PAPLN: variants seen among roughly 807,000 people sequenced by gnomAD.
PAPLN encodes papilin, proteoglycan like sulfated glycoprotein.
A neutral mutation model predicts 159.0 loss-of-function variants in PAPLN; 146 were observed. The observed-to-expected ratio is 0.92, with a 90% CI of 0.80 to 1.05. The LOEUF (loss-of-function observed/expected upper bound fraction) is 1.05, where lower values mean the gene tolerates loss of function less well. PAPLN is among the 50% of genes least tolerant of loss of function. The pLI is 0.00. For missense variants in PAPLN, 1,720 were observed against 1,743.9 expected, an observed-to-expected ratio of 0.99 and a Z score of 0.24; for synonymous variants, 734 against 702.9, an observed-to-expected ratio of 1.04 and a Z score of -0.70.
At chr14:73,248,858 C>T (rs1884907982) in intron 5 of PAPLN, among the ~76,000 whole-genome samples, 2 of 151,964 alleles carry the variant, frequency 1.3e-5, no homozygotes, top group Admixed American at 1.3e-4. Flanking sequence ...AGGCCAGGTA[C>T]AGTGGCTCCT....
rs1886545532 is a variant in PAPLN, at chr14:73,261,244, C to A, written c.2195C>A (p.Ala732Asp). ...TTTGGCTGTTGCTATGACAACGTGG[C>A]CACTGCAGCCGGTCCTCTTGGGGAA... Reference protein sequence around the residue: ...SQFGCCYDNVATAAGPLGEGC... With the variant: ...SQFGCCYDNVDTAAGPLGEGC... The change falls in exon 18 of 27, where the codon GCC becomes GAC. Residue 732 changes from alanine (A) to aspartate (D), a missense_variant. Ala to Asp is a moderately radical substitution (Grantham distance 126). Transcript: ENST00000644200. 1 of 1,613,712 alleles carries A rather than the reference C, an allele frequency of 6.2e-7. No homozygotes were observed. Among genetic ancestry groups the A allele is most frequent in the South Asian group, 1.1e-5 (1 of 91,080 alleles).
intron 2 of PAPLN, among the ~76,000 whole-genome samples, chr14:73,240,349 T>C (rs1321287945): frequency 1.3e-5 from 2 of 152,296 alleles, no homozygotes; most frequent in East Asian, 3.9e-4. Context: ...ATCCAATAGG[T>C]AGCCCCTAGG....
intron 5 of PAPLN, among the ~76,000 whole-genome samples, chr14:73,247,804 G>C (rs1884660088): frequency 2.3e-5 from 2 of 85,944 alleles, no homozygotes; most frequent in South Asian, 6.4e-4. Flanking sequence ...TCCCGTGTGT[G>C]TGTGTGTGTG....
Position 73,254,565 on chromosome 14 carries a change from G to T in PAPLN, c.1355G>T (p.Gly452Val), listed in dbSNP as rs770393234. The T allele has an allele frequency of 4.3e-6, 7 of 1,613,956 alleles. No individual in the cohort carries two copies. Among genetic ancestry groups the T allele is most frequent in the African/African-American group, 1.3e-5 (1 of 74,924 alleles). ...GVRKRSVTCRGERGSLLHTAA... is the reference protein window; with the variant it reads ...GVRKRSVTCRVERGSLLHTAA... ...CGGAAGCGGAGCGTTACTTGCCGGG[G>T]TGAAAGGGGTTCTTTGCTCCATACC... Residue 452 changes from glycine (G) to valine (V), a missense_variant, in exon 13 of 27, where the codon GGT becomes GTT. By Grantham distance (109) the Gly-to-Val change is moderately radical (BLOSUM62 -3). Transcript: ENST00000644200.
At chr14:73,250,809 C>T in intron 6 of PAPLN, 98 bp from the exon 7 acceptor site, 1 of 1,414,936 alleles carries the variant, frequency 7.1e-7, no homozygotes, top group Non-Finnish European at 9.3e-7. Flanking sequence ...CCCTATCCTG[C>T]CTGGGCTGCG....
In PAPLN at chr14:73,263,653, T is replaced by A. The variant is rs1319057435; in HGVS notation, c.2732T>A (p.Leu911Ter). The A allele has an allele frequency of 6.2e-7, 1 of 1,613,654 alleles. No homozygotes were observed. Among genetic ancestry groups the A allele is most frequent in the Non-Finnish European group, 8.5e-7 (1 of 1,179,988 alleles). ...ACTTCCCACCTCTCCAGGATTAGCTTGGCAGGTGTGGAGCCCTCGTTGGTG... is the reference window on the plus strand; with the variant it reads ...ACTTCCCACCTCTCCAGGATTAGCTAGGCAGGTGTGGAGCCCTCGTTGGTG... ...PFHSSSYRIS[L>*]AGVEPSLVQA... Residue 911 changes from leucine to a stop codon, truncating the protein, a stop_gained, in exon 20 of 27, where the codon TTG becomes TAG. Coordinates refer to ENST00000644200, the MANE Select transcript of PAPLN (RefSeq NM_001365906.3). LOFTEE classifies it high-confidence loss of function.
intron 2 of PAPLN, among the ~76,000 whole-genome samples, chr14:73,241,185 C>T (rs925234165): frequency 6.6e-5 from 10 of 152,088 alleles, no homozygotes; most frequent in African/African-American, 1.9e-4. Context: ...ACAGCTGGAG[C>T]GGTGGGTGGG....
Position 73,245,893 on chromosome 14 carries a change from TAGAGCACCATGGA to T in PAPLN, c.232-179_232-167del. 1 of 880,082 alleles carries T rather than the reference TAGAGCACCATGGA, an allele frequency of 1.1e-6. No homozygotes were observed. The highest frequency in any genetic ancestry group is 3.5e-4 in the Middle Eastern group (1 of 2,872). 54.5% of individuals were successfully genotyped at this position (880,082 alleles called of 1,614,324 possible). A position where few individuals can be genotyped will look rare whatever the true frequency, so the allele number is the denominator to read the frequency against. On this transcript the variant is annotated intron_variant, in intron 4 of 26. Coordinates refer to ENST00000644200, the MANE Select transcript of PAPLN (RefSeq NM_001365906.3). This position sits in a 1 kb window ranked among gnomAD's most constrained non-coding sequence, Gnocchi z 4.2. ...GGGACTGGCCTTGCCCTCCACAGCCTAGAGCACCATGGAGGGGCACGCACAGGAGTTCGGGGGT... is the reference window on the plus strand; with the variant it reads ...GGGACTGGCCTTGCCCTCCACAGCCTGGGGCACGCACAGGAGTTCGGGGGT...
chr14:73,262,918 C>T, intron 19 of PAPLN, 91 bp downstream of exon 19: 1 of 1,139,390 alleles, frequency 8.8e-7, no homozygotes, highest in Non-Finnish European at 1.2e-6. Flanking sequence ...AGCCGGCCCT[C>T]CCTCCCCATC....
rs750388672 is a variant in PAPLN at position 73,246,113 on chromosome 14, G to A, written c.272G>A (p.Cys91Tyr). Residue 91 changes from cysteine (C) to tyrosine (Y), a missense_variant, in exon 5 of 27, where the codon TGC (cysteine) becomes TAC (tyrosine). Coordinates refer to ENST00000644200, the MANE Select transcript of PAPLN (RefSeq NM_001365906.3). ...GCCCGGGACTTCCGGGCCGAGCAGT[G>A]CGCGGAGTTCGACGGAGCGGAGTTC... is the stretch of plus-strand genomic sequence containing the variant. ...DGARDFRAEQCAEFDGAEFQG... is the reference protein window; with the variant it reads ...DGARDFRAEQYAEFDGAEFQG... 2 of 1,590,148 alleles carry A rather than the reference G, an allele frequency of 1.3e-6. No homozygotes were observed. The highest frequency in any genetic ancestry group is 1.7e-6 in the Non-Finnish European group (2 of 1,170,540).
intron 26 of PAPLN, among the ~76,000 whole-genome samples, chr14:73,271,747 G>A (rs544156808): frequency 7.4e-4 from 112 of 152,274 alleles, no homozygotes; most frequent in African/African-American, 2.6e-3. Flanking sequence ...TGATCCGCCC[G>A]CCTTGGCCTC....
intron 16 of PAPLN, 69 bp from the exon 17 acceptor site, chr14:73,260,640 C>A (rs1437376100): frequency 7.3e-7 from 1 of 1,364,708 alleles, no homozygotes; most frequent in Non-Finnish European, 9.5e-7. Flanking sequence ...AGCCTCAGAG[C>A]CTGGGTCCTG....
intron 10 of PAPLN, 41 bp downstream of exon 10, chr14:73,252,182 GT>G: frequency 1.3e-6 from 2 of 1,535,492 alleles, no homozygotes; most frequent in Non-Finnish European, 8.8e-7. Context: ...TGGGCCCTGT[GT>G]GCTGGATCCC....
rs1461626395 is a variant in PAPLN at position 73,265,116 on chromosome 14, G to A, written c.3126-254G>A. On this transcript the variant is annotated intron_variant, in intron 22 of 26. Coordinates refer to ENST00000644200, the MANE Select transcript of PAPLN (RefSeq NM_001365906.3). This position sits in a 1 kb window ranked among gnomAD's most constrained non-coding sequence, Gnocchi z 4.1. The stretch of plus-strand genomic sequence containing the variant: ...ATGTGCAGGGTGGGGGGTGACAGAT[G>A]GGGATCCTGGCTGGTGGGTGTGTCT... Among the ~76,000 whole-genome samples the A allele has an allele frequency of 6.6e-6, 1 of 152,228 alleles. No homozygotes were observed. Among genetic ancestry groups the A allele is most frequent in the Non-Finnish European group, 1.5e-5 (1 of 68,034 alleles).
Position 73,252,680 on chromosome 14 carries a change from C to A in PAPLN, c.999C>A (p.Ile333=), listed in dbSNP as rs758623968. Residue 333 remains isoleucine, a synonymous_variant, in exon 11 of 27, where the codon ATC becomes ATA. Transcript: ENST00000644200. The stretch of plus-strand genomic sequence containing the variant: ...AGTCCCGCCTGGTGTTCTGCACCAT[C>A]GACCATGAGGCCTACCCCGACCACA... ...GHQSRLVFCT[I]DHEAYPDHMC... 6.2e-7 allele frequency: 1 copy of A among 1,613,362 alleles called. No homozygotes were observed. Among genetic ancestry groups the A allele is most frequent in the South Asian group, 1.1e-5 (1 of 91,084 alleles).
rs1436993002 is a variant in PAPLN at position 73,264,280 on chromosome 14, C to T, written c.2931C>T (p.Ser977=). The change falls in exon 21 of 27, where the codon AGC becomes AGT. Residue 977 remains serine, a synonymous_variant. Transcript: ENST00000644200. ...AGGCAGAGGACGCGGGCACCTACAG[C>T]TGTGGCAGCACCCGGCCAGGCCGCG... is the stretch of plus-strand genomic sequence containing the variant. ...PLQAEDAGTY[S]CGSTRPGRDS... 1.2e-6 allele frequency: 2 copies of T among 1,613,922 alleles called. No homozygotes were observed. The highest frequency in any genetic ancestry group is 2.7e-5 in the African/African-American group (2 of 74,914).
chr14:73,236,645 T>C (rs12893242), upstream of PAPLN, among the ~76,000 whole-genome samples: 21,617 of 151,992 alleles, frequency 0.14, 1,694 homozygotes, highest in South Asian at 0.21. Flanking sequence ...GGTGAAAACC[T>C]GTCTCTACTA....
rs913603559 is a variant in PAPLN, at chr14:73,262,803, C to T, written c.2699C>T (p.Pro900Leu). 6.7e-7 allele frequency: 1 copy of T among 1,493,620 alleles called. No individual in the cohort carries two copies. 92.5% of individuals were successfully genotyped at this position (1,493,620 alleles called of 1,614,324 possible). The stretch of plus-strand genomic sequence containing the variant: ...GGTGGAGATGCCGGATCACCAGCGC[C>T]ACCCTTCCACAGCTCCTCCTACAGG... ...GLGGDAGSPA[P>L]PFHSSSYRIS... Residue 900 changes from proline to leucine, a missense_variant, in exon 19 of 27, where the codon CCA (proline) becomes CTA (leucine). Coordinates refer to ENST00000644200, the MANE Select transcript of PAPLN (RefSeq NM_001365906.3).
At chr14:73,241,013 C>CGGG (rs541640505) in intron 2 of PAPLN, among the ~76,000 whole-genome samples, 6 of 146,252 alleles carry the variant, frequency 4.1e-5, no homozygotes, top group African/African-American at 1.2e-4. Flanking sequence ...ATGGGGAGGT[C>CGGG]GGGGGGGGGA....
Sources: allele counts gnomAD v4.1 joint callset (sites outside exome capture counted in the v4.1 genomes callset), GRCh38; gene constraint gnomAD v4.1.1; non-coding constraint Gnocchi (gnomAD v3.1); transcripts MANE v1.5; gene names NCBI Gene and HGNC (gene_info 2026-07-23, HGNC 2026-07-21).